The following SLC13A1 variants were observed in gnomAD, a reference collection of about 807,000 sequenced individuals.
SLC13A1 encodes the protein solute carrier family 13 member 1.
A neutral mutation model predicts 70.0 loss-of-function variants in SLC13A1; 65 were observed. That is an observed-to-expected ratio of 0.93 (90% CI 0.76 to 1.14). The LOEUF is 1.14. Among genes scored for constraint, SLC13A1 ranks in the 50% most tolerant of loss-of-function variants. The pLI, the probability that SLC13A1 is intolerant of heterozygous loss-of-function variation, is 0.00. For missense variants in SLC13A1, 726 were observed against 717.8 expected (o/e 1.01, Z -0.13); for synonymous variants, 275 against 250.5 (o/e 1.10, Z -0.92).
At chr7:123,115,765 G>T in intron 14 of SLC13A1, 110 bp from the exon 15 acceptor site, 1 of 1,086,600 alleles carries the variant, frequency 9.2e-7, no homozygotes, top group Non-Finnish European at 1.3e-6. Context: ...TAAATGATTA[G>T]TATAAATTGT....
At chr7:123,167,769 A>T (rs1795123543) in intron 6 of SLC13A1, among the ~76,000 whole-genome samples, 1 of 151,824 alleles carries the variant, frequency 6.6e-6, no homozygotes, top group Non-Finnish European at 1.5e-5. Context: ...TTCTGCATTG[A>T]TTTTTTTTAG....
chr7:123,171,647 G>T, intron 3 of SLC13A1, 121 bp downstream of exon 3: 1 of 1,014,822 alleles, frequency 9.9e-7, no homozygotes, highest in South Asian at 1.4e-5. Flanking sequence ...AGGAAAAAAC[G>T]TCATAAGTCA....
At chr7:123,129,318 T>A (rs1015799592) in intron 9 of SLC13A1, 65 bp downstream of exon 9, 1 of 1,195,358 alleles carries the variant, frequency 8.4e-7, no homozygotes, top group Non-Finnish European at 1.2e-6. Context: ...AGCATTTCTC[T>A]CTTCTCTGTG....
At chr7:123,168,994 A>G (rs975283695) in intron 4 of SLC13A1, among the ~76,000 whole-genome samples, 154 bp downstream of exon 4, 5 of 152,194 alleles carry the variant, frequency 3.3e-5, no homozygotes. Flanking sequence ...GTAGAAAACT[A>G]TTTTTGTAGA....
At chr7:123,137,888 T>C (rs1794005515) in intron 7 of SLC13A1, among the ~76,000 whole-genome samples, 2 of 152,310 alleles carry the variant, frequency 1.3e-5, no homozygotes, top group South Asian at 2.1e-4. Flanking sequence ...TTATCCATCC[T>C]CTCAAGCATT....
At chr7:123,148,449 A>T in intron 6 of SLC13A1, 1 of 451,566 alleles carries the variant, frequency 2.2e-6, no homozygotes, top group Non-Finnish European at 4.4e-6. Context: ...TTGGGGAATC[A>T]CTAGTCCAAA....
intron 12 of SLC13A1, among the ~76,000 whole-genome samples, chr7:123,120,639 C>A (rs75951857): frequency 0.016 from 2,373 of 152,082 alleles, 31 homozygotes; most frequent in East Asian, 0.027. Flanking sequence ...AAGCAGTATA[C>A]CCTCAGATCA....
chr7:123,183,081 C>T (rs946632280), intron 1 of SLC13A1, among the ~76,000 whole-genome samples: 5 of 152,056 alleles, frequency 3.3e-5, no homozygotes, highest in African/African-American at 1.2e-4. Flanking sequence ...AGTATTCAGC[C>T]AGTTGGTATA....
intron 10 of SLC13A1, among the ~76,000 whole-genome samples, chr7:123,128,176 C>A (rs1451637924): frequency 6.6e-6 from 1 of 151,872 alleles, no homozygotes; most frequent in Non-Finnish European, 1.5e-5. Flanking sequence ...GGAGGCTGGG[C>A]TGAACTTGTA....
chr7:123,122,835 C>A (rs1793429286), intron 12 of SLC13A1, among the ~76,000 whole-genome samples: 2 of 151,982 alleles, frequency 1.3e-5, no homozygotes. Context: ...ATACATTTTT[C>A]CTTACTAGCC....
rs905214598 is a variant in SLC13A1, at chr7:123,117,504, G to A, written c.1617C>T (p.Val539=). ...TGACTTTCAGATGACCATATGAAAA[G>A]ACAATAGCATTGGGTGGATTTGCTA... is the stretch of plus-strand genomic sequence containing the variant. The part of the protein sequence containing the change: ...LPVANPPNAI[V]FSYGHLKVID... Residue 539 remains valine, a synonymous_variant, in exon 14 of 15, where the codon GTC becomes GTT. Transcript: ENST00000194130. 6.2e-7 allele frequency: 1 copy of A among 1,613,352 alleles called. No individual in the cohort carries two copies. The highest frequency in any genetic ancestry group is 1.3e-5 in the African/African-American group (1 of 74,980).
intron 2 of SLC13A1, 36 bp from the exon 3 acceptor site, chr7:123,171,940 G>A (rs755733259): frequency 4.4e-6 from 7 of 1,595,264 alleles, no homozygotes; most frequent in African/African-American, 2.7e-5. Context: ...TATTTACTTT[G>A]GTGGGGAAAA....
chr7:123,161,378 T>C (rs1398260750), intron 6 of SLC13A1, among the ~76,000 whole-genome samples: 2 of 151,970 alleles, frequency 1.3e-5, no homozygotes, highest in East Asian at 3.9e-4. Flanking sequence ...TATAAGAAAA[T>C]ATTATAAACA....
At chr7:123,193,101 C>T (rs1356393471) in intron 1 of SLC13A1, among the ~76,000 whole-genome samples, 5 of 152,222 alleles carry the variant, frequency 3.3e-5, no homozygotes, top group African/African-American at 9.6e-5. Context: ...ATAATCAGTT[C>T]TCCAACCTGA....
chr7:123,159,017 A>G (rs2116485613), intron 6 of SLC13A1, among the ~76,000 whole-genome samples: 1 of 152,218 alleles, frequency 6.6e-6, no homozygotes, highest in East Asian at 1.9e-4. Context: ...AAATATGAAC[A>G]TAACTCTACA....
chr7:123,192,569 G>A (rs979881354), intron 1 of SLC13A1, among the ~76,000 whole-genome samples: 1 of 152,096 alleles, frequency 6.6e-6, no homozygotes, highest in East Asian at 1.9e-4. Context: ...ATGTGGGTAT[G>A]ATCTCTTCTC....
intron 1 of SLC13A1, among the ~76,000 whole-genome samples, chr7:123,199,448 C>T (rs1212466956): frequency 6.6e-6 from 1 of 152,002 alleles, no homozygotes; most frequent in Non-Finnish European, 1.5e-5. Context: ...CTAGGATTTC[C>T]CTTGTTCTTC....
At chr7:123,133,455 A>T (rs1219792618) in intron 8 of SLC13A1, among the ~76,000 whole-genome samples, 1 of 152,172 alleles carries the variant, frequency 6.6e-6, no homozygotes, top group Non-Finnish European at 1.5e-5. Context: ...CATCAGATTG[A>T]GTTATTTATG....
intron 1 of SLC13A1, among the ~76,000 whole-genome samples, chr7:123,193,372 T>C (rs919975835): frequency 1.3e-5 from 2 of 152,104 alleles, no homozygotes; most frequent in South Asian, 2.1e-4. Context: ...TTTCAGAATA[T>C]GCTATGTTAA....
Sources: allele counts gnomAD v4.1 joint callset (sites outside exome capture counted in the v4.1 genomes callset), GRCh38; gene constraint gnomAD v4.1.1; transcripts MANE v1.5; gene names NCBI Gene and HGNC (gene_info 2026-07-23, HGNC 2026-07-21).